The following UQCC1 variants were observed in gnomAD, a reference collection of about 807,000 sequenced individuals.
UQCC1 encodes the protein bFGF-repressed Zic-binding protein.
A neutral mutation model predicts 48.0 loss-of-function variants in UQCC1; 38 were observed. The observed-to-expected ratio is 0.79, with a 90% CI of 0.61 to 1.04. UQCC1 has a LOEUF of 1.04. Among genes scored for constraint, UQCC1 ranks in the 50% least tolerant of loss-of-function variants. The pLI, the probability that UQCC1 is intolerant of heterozygous loss-of-function variation, is 0.00. For synonymous variants in UQCC1, 111 were observed against 129.2 expected (o/e 0.86, Z 0.95); for missense variants, 368 against 381.8 (o/e 0.96, Z 0.30).
intron 7 of UQCC1, among the ~76,000 whole-genome samples, chr20:35,337,292 G>A (rs547844278): frequency 9.2e-5 from 14 of 151,996 alleles, no homozygotes; most frequent in Middle Eastern, 3.4e-3. Flanking sequence ...AGGTTCAAGT[G>A]ATTCTCCTGC....
rs2060885649 is a variant in UQCC1 at position 35,302,837 on chromosome 20, C to T, written c.*1098G>A. 1 of 152,164 alleles carries T rather than the reference C, an allele frequency of 6.6e-6. No homozygotes were observed. Among genetic ancestry groups the T allele is most frequent in the Non-Finnish European group, 1.5e-5 (1 of 68,038 alleles). 9.4% of individuals were successfully genotyped at this position (152,164 alleles called of 1,614,324 possible). On this transcript the variant is annotated 3_prime_UTR_variant, in exon 10 of 10. Transcript: ENST00000374385. ...TTCACAGAAGTGGGATATACCTCAC[C>T]CATATAGAGTTTCTTTATATGACTC...
chr20:35,376,948 C>T (rs11696173), intron 4 of UQCC1, among the ~76,000 whole-genome samples: 2,262 of 94,484 alleles, frequency 0.024, 32 homozygotes, highest in Non-Finnish European at 0.04. Flanking sequence ...GACTCCATCT[C>T]AAAACAAAAC....
chr20:35,354,888 T>C (rs1377566611), intron 6 of UQCC1, among the ~76,000 whole-genome samples: 4 of 152,210 alleles, frequency 2.6e-5, no homozygotes, highest in Non-Finnish European at 4.4e-5. Flanking sequence ...ACAAGAGTTA[T>C]ATTCCTACAG....
At chr20:35,330,946 G>A (rs2061250047) in intron 7 of UQCC1, among the ~76,000 whole-genome samples, 1 of 152,152 alleles carries the variant, frequency 6.6e-6, no homozygotes, top group Non-Finnish European at 1.5e-5. Flanking sequence ...TGTCCTTCTA[G>A]AGGGAGGCTC....
chr20:35,336,736 C>G, intron 7 of UQCC1, among the ~76,000 whole-genome samples: 1 of 152,218 alleles, frequency 6.6e-6, no homozygotes, highest in East Asian at 1.9e-4. Context: ...CTATGGGAAA[C>G]TATCTCTGAG....
At chr20:35,392,590 C>A (rs2062026377) in intron 2 of UQCC1, among the ~76,000 whole-genome samples, 1 of 152,184 alleles carries the variant, frequency 6.6e-6, no homozygotes, top group Non-Finnish European at 1.5e-5. Context: ...TAACAGAACA[C>A]AGCCCAAGCT....
intron 2 of UQCC1, among the ~76,000 whole-genome samples, chr20:35,389,950 T>C (rs889357015): frequency 6.6e-6 from 1 of 152,028 alleles, no homozygotes; most frequent in Non-Finnish European, 1.5e-5. Flanking sequence ...TTGATCCAAA[T>C]GGATAAAGAA....
Position 35,306,208 on chromosome 20 carries a change from CAGGAAG to C in UQCC1, c.765+452_765+457del, listed in dbSNP as rs1367783756. Among the ~76,000 whole-genome samples, 3 of 152,146 alleles carry C rather than the reference CAGGAAG, an allele frequency of 2.0e-5. No homozygotes were observed. In the East Asian group the frequency reaches 5.8e-4, roughly 29 times the overall value. ...CTACTTGACTGTGGAGAGCATCTAG[CAGGAAG>C]AGGCTGTCTGTGAAATGCTGCCTGC... On this transcript the variant is annotated intron_variant, in intron 9 of 9. Transcript: ENST00000374385.
chr20:35,359,335 G>A (rs1212085098), intron 6 of UQCC1, among the ~76,000 whole-genome samples: 1 of 152,214 alleles, frequency 6.6e-6, no homozygotes, highest in African/African-American at 2.4e-5. Context: ...AATGAAGCCT[G>A]AGCTCCCCCC....
chr20:35,354,685 A>G (rs2061526603), intron 6 of UQCC1, among the ~76,000 whole-genome samples: 1 of 151,584 alleles, frequency 6.6e-6, no homozygotes, highest in South Asian at 2.1e-4. Context: ...GTGAGCCACC[A>G]TGCCCAGCCA....
At chr20:35,362,467 A>AGGG (rs2061616970) in intron 6 of UQCC1, among the ~76,000 whole-genome samples, 1 of 152,068 alleles carries the variant, frequency 6.6e-6, no homozygotes, top group Non-Finnish European at 1.5e-5. Flanking sequence ...AGCGATTCTC[A>AGGG]TGCTTTAGCC....
chr20:35,336,889 A>G (rs890923316), intron 7 of UQCC1, among the ~76,000 whole-genome samples: 3 of 152,236 alleles, frequency 2.0e-5, no homozygotes, highest in African/African-American at 7.2e-5. Context: ...AGCTATTACT[A>G]TTGGGGAACT....
chr20:35,403,605 C>G (rs1191357029), intron 1 of UQCC1, among the ~76,000 whole-genome samples: 1 of 152,164 alleles, frequency 6.6e-6, no homozygotes, highest in Non-Finnish European at 1.5e-5. Flanking sequence ...TAAAGACACA[C>G]ACACACGTAT....
In UQCC1 at chr20:35,382,036, A is replaced by G; in HGVS notation, c.226-11T>C. 1.3e-6 allele frequency: 2 copies of G among 1,560,862 alleles called. No individual in the cohort carries two copies. The highest frequency in any genetic ancestry group is 1.7e-6 in the Non-Finnish European group (2 of 1,150,642). On this transcript the variant is annotated splice_polypyrimidine_tract_variant and intron_variant, in intron 3 of 9. Coordinates refer to ENST00000374385, the MANE Select transcript of UQCC1 (RefSeq NM_018244.5). Reference sequence around the variant, plus strand: ...TTTGGTAGTAGAAAGCTGATTAACCAAAAAGAAAAAAACTAAAATTAGTTG... The same window carrying G: ...TTTGGTAGTAGAAAGCTGATTAACCGAAAAGAAAAAAACTAAAATTAGTTG...
chr20:35,341,859 T>C (rs2061382259), intron 7 of UQCC1, among the ~76,000 whole-genome samples: 1 of 152,160 alleles, frequency 6.6e-6, no homozygotes, highest in African/African-American at 2.4e-5. Context: ...AAGGATGGAA[T>C]GTGATGTTCA....
chr20:35,337,656 T>C (rs2061329275), intron 7 of UQCC1, among the ~76,000 whole-genome samples: 1 of 152,170 alleles, frequency 6.6e-6, no homozygotes, highest in African/African-American at 2.4e-5. Context: ...AACACTGCTG[T>C]ACCATGCTGA....
chr20:35,408,715 C>T (rs1222567143), intron 1 of UQCC1, among the ~76,000 whole-genome samples: 5 of 151,198 alleles, frequency 3.3e-5, no homozygotes, highest in Admixed American at 2.0e-4. Context: ...AGTAGCCAGG[C>T]GTGGTGGCAC....
chr20:35,340,102 T>C (rs1354734598), intron 7 of UQCC1, among the ~76,000 whole-genome samples: 1 of 152,146 alleles, frequency 6.6e-6, no homozygotes, highest in African/African-American at 2.4e-5. Context: ...ATCTCTGAAG[T>C]TGGTGTAGTG....
At chr20:35,378,578 C>T (rs1488396291) in intron 4 of UQCC1, among the ~76,000 whole-genome samples, 6 of 151,992 alleles carry the variant, frequency 3.9e-5, no homozygotes, top group Non-Finnish European at 5.9e-5. Flanking sequence ...TGCAGTGAGC[C>T]GAGATCGCGC....
Sources: allele counts gnomAD v4.1 joint callset (sites outside exome capture counted in the v4.1 genomes callset), GRCh38; gene constraint gnomAD v4.1.1; transcripts MANE v1.5; gene names NCBI Gene and HGNC (gene_info 2026-07-23, HGNC 2026-07-21).